SPAG9: variants seen among roughly 807,000 people sequenced by gnomAD.
SPAG9 encodes the protein C-Jun-amino-terminal kinase-interacting protein 4.
In SPAG9, 35 loss-of-function variants were observed where a neutral mutation model predicts 166.5. The observed-to-expected ratio is 0.21, with a 90% CI of 0.16 to 0.28. SPAG9 has a LOEUF of 0.28. SPAG9 is among the 10% of genes least tolerant of loss of function. SPAG9 has a pLI of 1.00. For synonymous variants in SPAG9, 534 were observed against 565.5 expected (o/e 0.94, Z 0.79); for missense variants, 1,235 against 1,603.3 (o/e 0.77, Z 3.92).
intron 1 of SPAG9, among the ~76,000 whole-genome samples, chr17:51,099,099 CAAA>C (rs35291018): frequency 2.2e-5 from 1 of 45,964 alleles, no homozygotes; most frequent in Non-Finnish European, 4.7e-5. Flanking sequence ...GACTCCGTCT[CAAA>C]AAAAAAAAAA....
chr17:50,999,546 TAAAAAA>T, intron 14 of SPAG9, 109 bp downstream of exon 14: 1 of 1,243,576 alleles, frequency 8.0e-7, no homozygotes, highest in Non-Finnish European at 1.1e-6. Flanking sequence ...ACCCCTAGTT[TAAAAAA>T]AAAAAATGAA....
rs1973727360 is a variant in SPAG9 at position 50,970,781 on chromosome 17, T to C, written c.3776A>G (p.Glu1259Gly). Reference protein sequence around the residue: ...TGDKAGPSAQEPGSQTPLKSM... With the variant: ...TGDKAGPSAQGPGSQTPLKSM... Reference sequence around the variant, plus strand: ...CTTCAAGGGCGTCTGACTACCAGGCTCCTGTGCAGATGGCCCTGCTTTGTC... The same window carrying C: ...CTTCAAGGGCGTCTGACTACCAGGCCCCTGTGCAGATGGCCCTGCTTTGTC... The change falls in exon 29 of 30, where the codon GAG (glutamate) becomes GGG (glycine). Residue 1259 changes from glutamate (E) to glycine (G), a missense_variant. By Grantham distance (98) the Glu-to-Gly change is moderately conservative (BLOSUM62 -2). Transcript: ENST00000262013. The C allele has an allele frequency of 6.2e-7, 1 of 1,614,118 alleles. No individual in the cohort carries two copies. The highest frequency in any genetic ancestry group is 1.7e-5 in the Admixed American group (1 of 60,026).
At chr17:51,101,059 C>T (rs1185678579) in intron 1 of SPAG9, among the ~76,000 whole-genome samples, 1 of 151,910 alleles carries the variant, frequency 6.6e-6, no homozygotes, top group Non-Finnish European at 1.5e-5. Flanking sequence ...AAAAGTGACC[C>T]TTATGGGGCT....
intron 2 of SPAG9, among the ~76,000 whole-genome samples, chr17:51,078,464 T>C (rs1337645285): frequency 6.6e-6 from 1 of 152,174 alleles, no homozygotes; most frequent in Non-Finnish European, 1.5e-5. Flanking sequence ...CTGGTGTCAC[T>C]ATGTAGCCTT....
chr17:50,994,863 C>T (rs1206537741), intron 18 of SPAG9, among the ~76,000 whole-genome samples, 194 bp downstream of exon 18: 2 of 152,104 alleles, frequency 1.3e-5, no homozygotes, highest in Non-Finnish European at 2.9e-5. Flanking sequence ...TGACCTATAC[C>T]CATTTCGAGT....
At position 51,021,259 on chromosome 17, in the gene SPAG9, T is replaced by C; in HGVS notation, c.890A>G (p.Glu297Gly). 3.7e-6 allele frequency: 6 copies of C among 1,614,166 alleles called. No homozygotes were observed. The highest frequency in any genetic ancestry group is 5.1e-6 in the Non-Finnish European group (6 of 1,180,000). Reference sequence around the variant, plus strand: ...TGTAACCTTCACAAATCCTTCGTTTTCTTCCTTTAAGGGAGTATCAGTAGG... The same window carrying C: ...TGTAACCTTCACAAATCCTTCGTTTCCTTCCTTTAAGGGAGTATCAGTAGG... ...TIPTDTPLKE[E>G]NEGFVKVTDA... The change falls in exon 7 of 30, where the codon GAA (glutamate) becomes GGA (glycine). Residue 297 changes from glutamate (E) to glycine (G), a missense_variant. Glu to Gly is a moderately conservative substitution (Grantham distance 98). Around this residue, in one of 6 missense-constraint regions of SPAG9, gnomAD observed 288 missense variants for 323.7 expected, o/e 0.89. Transcript: ENST00000262013.
Position 50,965,337 on chromosome 17 carries a change from T to A in SPAG9, c.*935A>T, listed in dbSNP as rs1255954613. On this transcript the variant is annotated 3_prime_UTR_variant, in exon 30 of 30. Coordinates refer to ENST00000262013, the MANE Select transcript of SPAG9 (RefSeq NM_001130528.3). ...ACTCCATCCCCACTACAGTTTTACT[T>A]GTATTAACAGGTTAAGAGCAATCTA... is the stretch of plus-strand genomic sequence containing the variant. 6.6e-6 allele frequency: 1 copy of A among 152,216 alleles called. No individual in the cohort carries two copies. Among genetic ancestry groups the A allele is most frequent in the East Asian group, 1.9e-4 (1 of 5,202 alleles). The allele number at this position is 152,216 out of a possible 1,614,324, so 9.4% of individuals were successfully genotyped here. A position where few individuals can be genotyped will look rare whatever the true frequency, so the allele number is the denominator to read the frequency against.
intron 19 of SPAG9, among the ~76,000 whole-genome samples, chr17:50,991,500 T>C (rs1283656643): frequency 6.6e-6 from 1 of 152,054 alleles, no homozygotes; most frequent in Non-Finnish European, 1.5e-5. Context: ...AAACTTTTAT[T>C]GCAGTAAAAA....
chr17:51,062,875 C>T (rs2047556722), intron 2 of SPAG9, among the ~76,000 whole-genome samples: 2 of 152,142 alleles, frequency 1.3e-5, no homozygotes, highest in Non-Finnish European at 2.9e-5. Flanking sequence ...CAGGCGTGAG[C>T]CACCACACAC....
chr17:51,042,575 T>C (rs1305799580), intron 4 of SPAG9: 3 of 152,230 alleles, frequency 2.0e-5, no homozygotes, highest in African/African-American at 7.2e-5. Flanking sequence ...TAAGTTAGAA[T>C]AAAAACAATG....
Position 50,985,768 on chromosome 17 carries a change from G to A in SPAG9, c.2950C>T (p.His984Tyr). 1.3e-6 allele frequency: 2 copies of A among 1,598,468 alleles called. No homozygotes were observed. Among genetic ancestry groups the A allele is most frequent in the Non-Finnish European group, 1.7e-6 (2 of 1,166,854 alleles). Residue 984 changes from histidine (H) to tyrosine (Y), a missense_variant, in exon 23 of 30, where the codon CAT becomes TAT. Coordinates refer to ENST00000262013, the MANE Select transcript of SPAG9 (RefSeq NM_001130528.3). Reference protein sequence around the residue: ...LGAQNGCLYVHSSVAQWRKCL... With the variant: ...LGAQNGCLYVYSSVAQWRKCL... ...TTCCTCCACTGGGCTACAGATGAAT[G>A]GACATACAAACTGTAAGAACAAAGT...
chr17:50,975,666 A>C (rs968890450), intron 27 of SPAG9, among the ~76,000 whole-genome samples: 14 of 152,192 alleles, frequency 9.2e-5, no homozygotes, highest in African/African-American at 3.4e-4. Flanking sequence ...AAAGATGATA[A>C]ATAGACTAAG....
chr17:51,089,613 CTTTA>C (rs1220512724), intron 1 of SPAG9, among the ~76,000 whole-genome samples: 1 of 92,168 alleles, frequency 1.1e-5, no homozygotes, highest in Non-Finnish European at 2.0e-5. Context: ...TATATATACA[CTTTA>C]TTTTATATAT....
At chr17:50,967,447 T>C (rs1259516310) in intron 29 of SPAG9, among the ~76,000 whole-genome samples, 1 of 152,214 alleles carries the variant, frequency 6.6e-6, no homozygotes, top group Non-Finnish European at 1.5e-5. Context: ...AAACTTTCCC[T>C]TACCCAGCCC....
At position 50,970,808 on chromosome 17, in the gene SPAG9, C is replaced by A. The variant is rs1973729948; in HGVS notation, c.3749G>T (p.Gly1250Val). Residue 1250 changes from glycine to valine, a missense_variant, in exon 29 of 30, where the codon GGT becomes GTT. Gly to Val is a moderately radical substitution (Grantham distance 109). Coordinates refer to ENST00000262013, the MANE Select transcript of SPAG9 (RefSeq NM_001130528.3). ...QSSSSGTDLT[G>V]DKAGPSAQEP... ...CTGTGCAGATGGCCCTGCTTTGTCA[C>A]CCGTCAGATCCGTGCCACTACTGCT... 1.9e-6 allele frequency: 3 copies of A among 1,614,020 alleles called. No homozygotes were observed. Among genetic ancestry groups the A allele is most frequent in the African/African-American group, 1.3e-5 (1 of 74,916 alleles).
intron 1 of SPAG9, among the ~76,000 whole-genome samples, chr17:51,109,615 ATAT>A (rs1204035768): frequency 6.6e-6 from 1 of 152,182 alleles, no homozygotes; most frequent in African/African-American, 2.4e-5. Flanking sequence ...CATTATAAAC[ATAT>A]TAAGAAGCTA....
intron 1 of SPAG9, among the ~76,000 whole-genome samples, chr17:51,108,827 A>G (rs1408038029): frequency 6.6e-6 from 1 of 151,570 alleles, no homozygotes; most frequent in Non-Finnish European, 1.5e-5. Context: ...AATTTTATTT[A>G]TTTATTTTTA....
chr17:51,020,688 A>C (rs1237227834), intron 7 of SPAG9, among the ~76,000 whole-genome samples: 1 of 152,216 alleles, frequency 6.6e-6, no homozygotes, highest in Non-Finnish European at 1.5e-5. Context: ...ACCTCTTTTA[A>C]GCTTATTTAC....
chr17:51,113,308 G>A (rs1423199555), intron 1 of SPAG9, among the ~76,000 whole-genome samples: 2 of 142,718 alleles, frequency 1.4e-5, no homozygotes, highest in African/African-American at 2.6e-5. Flanking sequence ...AGCTGAGATC[G>A]CACCATTGCG....
Sources: allele counts gnomAD v4.1 joint callset (sites outside exome capture counted in the v4.1 genomes callset), GRCh38; gene constraint gnomAD v4.1.1; regional missense constraint gnomAD v4.1.1; transcripts MANE v1.5; gene names NCBI Gene and HGNC (gene_info 2026-07-23, HGNC 2026-07-21).